Variants in ANO6 observed in about 807,000 individuals in gnomAD.
ANO6 encodes anoctamin 6, also known as anoctamin-6.
ANO6 carries 106 observed loss-of-function variants against 117.5 expected under a neutral mutation model. That is an observed-to-expected ratio of 0.90 (90% CI 0.77 to 1.06). The LOEUF (loss-of-function observed/expected upper bound fraction) is 1.06. Ranked by LOEUF, ANO6 falls within the 50% of genes least tolerant of loss-of-function variation. The probability of loss-of-function intolerance (pLI) is 0.00; values close to 1 mark genes in which losing one functional copy is unlikely to be tolerated. For missense variants in ANO6, 955 were observed against 1,121.1 expected, an observed-to-expected ratio of 0.85 and a Z score of 2.12; for synonymous variants, 367 against 385.1, an observed-to-expected ratio of 0.95 and a Z score of 0.55.
At chr12:45,257,962 A>G (rs1937895351) in intron 1 of ANO6, among the ~76,000 whole-genome samples, 1 of 152,216 alleles carries the variant, frequency 6.6e-6, no homozygotes, top group East Asian at 1.9e-4. Context: ...GGTTTATCAC[A>G]ATGCTTATCA....
chr12:45,424,791 T>C (rs1003877178), intron 19 of ANO6, among the ~76,000 whole-genome samples: 3 of 152,072 alleles, frequency 2.0e-5, no homozygotes, highest in Non-Finnish European at 4.4e-5. Context: ...GAGCTTGAGA[T>C]TCCTGGATAA....
intron 1 of ANO6, among the ~76,000 whole-genome samples, chr12:45,260,487 TAGG>T (rs539478398): frequency 3.3e-5 from 5 of 152,242 alleles, no homozygotes; most frequent in South Asian, 4.1e-4. Context: ...TGGGAGCAAA[TAGG>T]AGGGCACTGT....
chr12:45,409,441 G>T lies in ANO6; in HGVS notation c.1965G>T (p.Leu655=), dbSNP rs1306209028. ...CACGATGGGAACAGGACTACCATCT[G>T]CAGCCTATGGGCAAACTGGGATTAT... ...ITPRWEQDYH[L]QPMGKLGLFY... Residue 655 remains leucine (L), a synonymous_variant, in exon 16 of 20, where the codon CTG becomes CTT. Coordinates refer to ENST00000320560, the MANE Select transcript of ANO6 (RefSeq NM_001025356.3). 6.2e-7 allele frequency: 1 copy of T among 1,613,832 alleles called. No homozygotes were observed. The highest frequency in any genetic ancestry group is 8.5e-7 in the Non-Finnish European group (1 of 1,179,914).
rs1289377729 is a variant in ANO6 at position 45,265,043 on chromosome 12, G to T, written c.71-36971G>T. On this transcript the variant is annotated intron_variant, in intron 1 of 19. Coordinates refer to ENST00000320560, the MANE Select transcript of ANO6 (RefSeq NM_001025356.3). The stretch of plus-strand genomic sequence containing the variant: ...TGAAAGGAGCAATTCCTCATTGACT[G>T]TAAGTCTTTTATGTTGGCAATTCCA... 3.9e-5 allele frequency among the ~76,000 whole-genome samples: 6 copies of T among 152,096 alleles called. No individual in the cohort carries two copies. In the South Asian group the frequency reaches 1.2e-3, roughly 32 times the overall value.
At chr12:45,218,498 G>A (rs1947350468) in intron 1 of ANO6, among the ~76,000 whole-genome samples, 1 of 149,298 alleles carries the variant, frequency 6.7e-6, no homozygotes, top group Non-Finnish European at 1.5e-5. Flanking sequence ...GGGCTCAAGC[G>A]ATCCTCCCAC....
At chr12:45,423,202 T>C in intron 19 of ANO6, 140 bp downstream of exon 19, 1 of 720,504 alleles carries the variant, frequency 1.4e-6, no homozygotes, top group Non-Finnish European at 2.5e-6. Flanking sequence ...TGTTAATCAG[T>C]ATTGACCTGA....
chr12:45,434,387 C>G (rs1441980619), downstream of ANO6, among the ~76,000 whole-genome samples: 1 of 152,216 alleles, frequency 6.6e-6, no homozygotes, highest in African/African-American at 2.4e-5. Flanking sequence ...CAAGCGACAG[C>G]ACTGGCTGCA....
At chr12:45,310,035 G>C (rs1019167584) in intron 2 of ANO6, among the ~76,000 whole-genome samples, 8 of 152,126 alleles carry the variant, frequency 5.3e-5, no homozygotes, top group Non-Finnish European at 8.8e-5. Flanking sequence ...AAAGCTTTTT[G>C]TGCATTCAAG....
chr12:45,234,344 A>G (rs1295181610), intron 1 of ANO6, among the ~76,000 whole-genome samples: 1 of 151,932 alleles, frequency 6.6e-6, no homozygotes, highest in African/African-American at 2.4e-5. Context: ...GACTCTCCCT[A>G]TGTATAAGGA....
rs1446802564 is a variant in ANO6, at chr12:45,377,955, A to C, written c.1105-98A>C. 1.9e-5 allele frequency: 23 copies of C among 1,184,252 alleles called. 1 individual carries two copies. The highest frequency in any genetic ancestry group is 8.6e-5 in the Admixed American group (5 of 58,134). 73.4% of individuals were successfully genotyped at this position (1,184,252 alleles called of 1,614,324 possible). ...GTTAAACTAGGCATCACCTTTGAAA[A>C]GAACTTCAAGACTGTAGAATAGACA... is the stretch of plus-strand genomic sequence containing the variant. On this transcript the variant is annotated intron_variant, in intron 9 of 19. Transcript: ENST00000320560.
At chr12:45,360,185 T>C (rs1402608957) in intron 8 of ANO6, among the ~76,000 whole-genome samples, 1 of 152,258 alleles carries the variant, frequency 6.6e-6, no homozygotes, top group Non-Finnish European at 1.5e-5. Flanking sequence ...CTTAGTCTGT[T>C]TGTGCTGCTG....
At chr12:45,364,438 G>A (rs1419836017) in intron 8 of ANO6, among the ~76,000 whole-genome samples, 1 of 151,964 alleles carries the variant, frequency 6.6e-6, no homozygotes, top group South Asian at 2.1e-4. Flanking sequence ...TGTATGTGTT[G>A]GTATATTTGA....
At chr12:45,385,196 G>T (rs1049479647) in intron 10 of ANO6, among the ~76,000 whole-genome samples, 1 of 152,180 alleles carries the variant, frequency 6.6e-6, no homozygotes, top group Non-Finnish European at 1.5e-5. Context: ...ATAGACAGTA[G>T]ACCTAGAAGC....
chr12:45,411,584 C>T (rs546042381), intron 16 of ANO6, among the ~76,000 whole-genome samples: 44 of 152,324 alleles, frequency 2.9e-4, no homozygotes, highest in African/African-American at 1.0e-3. Context: ...CACACAGTCC[C>T]CTCCTTCCCA....
chr12:45,256,148 G>A (rs1334550653), intron 1 of ANO6, among the ~76,000 whole-genome samples: 1 of 152,078 alleles, frequency 6.6e-6, no homozygotes, highest in Admixed American at 6.5e-5. Context: ...TGAAGTGACT[G>A]CATCTCTTTT....
chr12:45,216,130 C>G lies in ANO6; in HGVS notation c.-192C>G. Reference sequence around the variant, plus strand: ...CTCCGCTCGGCAGGCGAGAGGCGTCCTCCGGCTCTGGGCTCCGGTCGGTGG... The same window carrying G: ...CTCCGCTCGGCAGGCGAGAGGCGTCGTCCGGCTCTGGGCTCCGGTCGGTGG... On this transcript the variant is annotated 5_prime_UTR_variant, in exon 1 of 20. Transcript: ENST00000320560. 2 of 616,016 alleles carry G rather than the reference C, an allele frequency of 3.2e-6. No homozygotes were observed. Among genetic ancestry groups the G allele is most frequent in the Non-Finnish European group, 5.6e-6 (2 of 355,566 alleles). 38.2% of individuals were successfully genotyped at this position (616,016 alleles called of 1,614,324 possible).
intron 2 of ANO6, among the ~76,000 whole-genome samples, chr12:45,315,704 A>T (rs968444329): frequency 6.6e-6 from 1 of 152,002 alleles, no homozygotes; most frequent in Non-Finnish European, 1.5e-5. Flanking sequence ...TGCCACATAG[A>T]AACCTCAGGG....
chr12:45,260,156 T>C (rs1359437252), intron 1 of ANO6, among the ~76,000 whole-genome samples: 1 of 152,216 alleles, frequency 6.6e-6, no homozygotes, highest in Non-Finnish European at 1.5e-5. Flanking sequence ...GCTCAGTACA[T>C]GTTTACTGAA....
At chr12:45,359,073 T>C (rs949314148) in intron 8 of ANO6, among the ~76,000 whole-genome samples, 9 of 152,210 alleles carry the variant, frequency 5.9e-5, no homozygotes, top group African/African-American at 2.2e-4. Flanking sequence ...CGTGAGCCAC[T>C]GTGCCCGGTC....
Sources: gnomAD v4.1 joint callset for allele counts (sites outside exome capture counted in the v4.1 genomes callset) on GRCh38, gnomAD v4.1.1 for gene constraint, MANE v1.5 for transcripts, NCBI Gene and HGNC (gene_info 2026-07-23, HGNC 2026-07-21) for gene names.